The following RANBP2 variants were observed in gnomAD, a reference collection of about 807,000 sequenced individuals.
The protein encoded by RANBP2 is E3 SUMO-protein ligase RanBP2.
RANBP2 carries 57 observed loss-of-function variants against 303.6 expected under a neutral mutation model. That is an observed-to-expected ratio of 0.19 (90% CI 0.15 to 0.23). The LOEUF is 0.23. RANBP2 is among the 10% of genes least tolerant of loss of function. The probability of loss-of-function intolerance (pLI) is 1.00; values close to 1 mark genes in which losing one functional copy is unlikely to be tolerated. For synonymous variants in RANBP2, 1,167 were observed against 1,301.5 expected (o/e 0.90, Z 2.23); for missense variants, 3,138 against 3,780.8 (o/e 0.83, Z 4.46).
At chr2:109,571,575 C>T in the RANBP2 span, among the ~76,000 whole-genome samples, 2 of 152,162 alleles carry the variant, frequency 1.3e-5, no homozygotes, top group African/African-American at 4.8e-5. Context: ...ACATATAATA[C>T]AGTACAGTAA....
the RANBP2 span, among the ~76,000 whole-genome samples, chr2:109,561,993 C>G: frequency 7.5e-6 from 1 of 133,766 alleles, no homozygotes; most frequent in Non-Finnish European, 1.6e-5. Context: ...ATTCCTGACC[C>G]CAAGGCCAGG....
At chr2:109,482,669 G>C in the RANBP2 span, among the ~76,000 whole-genome samples, 4 of 152,274 alleles carry the variant, frequency 2.6e-5, no homozygotes, top group South Asian at 8.3e-4. Context: ...TGATGCCCAG[G>C]GCTCAGCTTC....
intron 20 of RANBP2, among the ~76,000 whole-genome samples, chr2:108,768,831 G>A (rs1466104079): frequency 1.3e-5 from 2 of 152,056 alleles, no homozygotes; most frequent in East Asian, 1.9e-4. Context: ...TCAAGAGTTC[G>A]AGACCAGCCT....
At chr2:109,349,697 G>A in the RANBP2 span, among the ~76,000 whole-genome samples, 42,524 of 152,188 alleles carry the variant, frequency 0.28, 6,610 homozygotes, top group East Asian at 0.59. Flanking sequence ...CTCACAGGAG[G>A]AGGCTCTCCA....
the RANBP2 span, among the ~76,000 whole-genome samples, chr2:109,508,934 G>A: frequency 1.3e-5 from 2 of 152,244 alleles, no homozygotes; most frequent in Non-Finnish European, 2.9e-5. Flanking sequence ...GGGGGATGCA[G>A]TCCACTCCAT....
At chr2:109,028,680 C>T in the RANBP2 span, among the ~76,000 whole-genome samples, 1 of 152,206 alleles carries the variant, frequency 6.6e-6, no homozygotes, top group African/African-American at 2.4e-5. Flanking sequence ...CAGACATGCA[C>T]CCAAATGAGT....
the RANBP2 span, among the ~76,000 whole-genome samples, chr2:109,328,404 A>G: frequency 1.3e-5 from 2 of 152,116 alleles, no homozygotes; most frequent in Non-Finnish European, 2.9e-5. Flanking sequence ...ACCCTTGACT[A>G]TGTGGGCTGC....
chr2:109,163,643 C>G, the RANBP2 span, among the ~76,000 whole-genome samples: 6 of 151,924 alleles, frequency 3.9e-5, no homozygotes, highest in Non-Finnish European at 8.8e-5. Context: ...TCGTGATCCG[C>G]CCGCCTCGGC....
intron 6 of RANBP2, among the ~76,000 whole-genome samples, chr2:108,738,088 T>A (rs1695761470): frequency 1.3e-5 from 2 of 150,106 alleles, no homozygotes; most frequent in South Asian, 4.2e-4. Flanking sequence ...TCAATCTTTT[T>A]TTTTTGAGAC....
At chr2:108,924,610 G>A in the RANBP2 span, among the ~76,000 whole-genome samples, 1 of 152,196 alleles carries the variant, frequency 6.6e-6, no homozygotes, top group African/African-American at 2.4e-5. Context: ...GCAGCAGCCT[G>A]GCACGGGGGT....
At chr2:109,299,430 T>C in the RANBP2 span, among the ~76,000 whole-genome samples, 1 of 151,412 alleles carries the variant, frequency 6.6e-6, no homozygotes, top group African/African-American at 2.4e-5. Context: ...ATCCTTAAGA[T>C]CACCCTAAGG....
chr2:109,248,831 CTT>C, the RANBP2 span, among the ~76,000 whole-genome samples: 1 of 150,028 alleles, frequency 6.7e-6, no homozygotes, highest in Non-Finnish European at 1.5e-5. Flanking sequence ...CTCTTTCTCT[CTT>C]TTCTCCTTTT....
chr2:108,862,269 T>TA, the RANBP2 span, among the ~76,000 whole-genome samples: 84 of 152,246 alleles, frequency 5.5e-4, no homozygotes, highest in African/African-American at 2.0e-3. Flanking sequence ...TGGGTTATCT[T>TA]ACCTTACTAT....
chr2:109,039,296 T>TA, the RANBP2 span, among the ~76,000 whole-genome samples: 1 of 152,214 alleles, frequency 6.6e-6, no homozygotes, highest in Non-Finnish European at 1.5e-5. Context: ...ATCTCTCTCT[T>TA]ACACACATCC....
At chr2:109,526,286 T>C in the RANBP2 span, among the ~76,000 whole-genome samples, 2 of 152,174 alleles carry the variant, frequency 1.3e-5, no homozygotes, top group Non-Finnish European at 2.9e-5. Context: ...CACCAGCCTC[T>C]CTGAGCCACT....
At chr2:109,569,018 T>G in the RANBP2 span, among the ~76,000 whole-genome samples, 1 of 152,204 alleles carries the variant, frequency 6.6e-6, no homozygotes, top group African/African-American at 2.4e-5. Flanking sequence ...GACTGATAGC[T>G]CCACAAATTT....
the RANBP2 span, among the ~76,000 whole-genome samples, chr2:109,560,197 G>A: frequency 6.6e-6 from 1 of 152,180 alleles, no homozygotes; most frequent in East Asian, 1.9e-4. Flanking sequence ...TGGGATTACA[G>A]GCGTGAGCCA....
At chr2:109,444,201 G>C in the RANBP2 span, among the ~76,000 whole-genome samples, 1 of 152,200 alleles carries the variant, frequency 6.6e-6, no homozygotes, top group African/African-American at 2.4e-5. Flanking sequence ...ATTTTGAGCT[G>C]AATGAAATGA....
At chr2:109,359,162 G>A in the RANBP2 span, among the ~76,000 whole-genome samples, 2 of 152,278 alleles carry the variant, frequency 1.3e-5, no homozygotes, top group Admixed American at 1.3e-4. Flanking sequence ...GCCAATGACA[G>A]ACTGTCTTCA....
Sources: gnomAD v4.1 joint callset for allele counts (sites outside exome capture counted in the v4.1 genomes callset) on GRCh38, gnomAD v4.1.1 for gene constraint, MANE v1.5 for transcripts, NCBI Gene and HGNC (gene_info 2026-07-23, HGNC 2026-07-21) for gene names.